ITPKB: variants seen among roughly 807,000 people sequenced by gnomAD.
The protein encoded by ITPKB is IP3 3-kinase B.
ITPKB carries 13 observed loss-of-function variants against 69.4 expected under a neutral mutation model. The ratio of observed to expected loss-of-function variants is 0.19; its 90% CI spans 0.12 to 0.30. The LOEUF is 0.30. ITPKB is among the 10% of genes least tolerant of loss of function. The pLI is 1.00. For synonymous variants in ITPKB, 584 were observed against 513.7 expected, an observed-to-expected ratio of 1.14 and a Z score of -1.85; for missense variants, 1,240 against 1,250.5, an observed-to-expected ratio of 0.99 and a Z score of 0.13.
chr1:226,726,981 A>T (rs1657438888), intron 2 of ITPKB, among the ~76,000 whole-genome samples: 1 of 152,160 alleles, frequency 6.6e-6, no homozygotes, highest in African/African-American at 2.4e-5. Flanking sequence ...TTGCTAAGAG[A>T]TTAAAATTGT....
At chr1:226,727,301 A>G (rs932350385) in intron 2 of ITPKB, among the ~76,000 whole-genome samples, 4 of 152,218 alleles carry the variant, frequency 2.6e-5, no homozygotes, top group African/African-American at 9.6e-5. Flanking sequence ...ATCAATTGCC[A>G]TAGAGAAGTT....
Position 226,724,298 on chromosome 1 carries a change from T to G in ITPKB, c.1932+11229A>C, listed in dbSNP as rs1171995757. On this transcript the variant is annotated intron_variant, in intron 2 of 7. Coordinates refer to ENST00000429204, the MANE Select transcript of ITPKB (RefSeq NM_002221.4). ...GAGCAAGCCTCCCCCAGCACACACT[T>G]CCTACAAACCTCAATGTCAAAGAGC... 3.3e-5 allele frequency among the ~76,000 whole-genome samples: 5 copies of G among 152,180 alleles called. No individual in the cohort carries two copies. The South Asian group carries it at 1.0e-3, about 32-fold the overall frequency.
At chr1:226,710,412 T>A (rs1461177356) in intron 2 of ITPKB, among the ~76,000 whole-genome samples, 1 of 152,210 alleles carries the variant, frequency 6.6e-6, no homozygotes, top group Non-Finnish European at 1.5e-5. Context: ...AAAAGTGCCA[T>A]AAAACGTACT....
chr1:226,669,092 G>A (rs1669560555), intron 2 of ITPKB: 1 of 151,936 alleles, frequency 6.6e-6, no homozygotes. Context: ...AAATAATTTT[G>A]TTACTATAGA....
chr1:226,701,452 A>G lies in ITPKB; in HGVS notation c.1932+34075T>C, dbSNP rs972520256. 7.3e-4 allele frequency among the ~76,000 whole-genome samples: 110 copies of G among 151,532 alleles called. 1 individual carries two copies. Among genetic ancestry groups the G allele is most frequent in the Non-Finnish European group, 4.9e-4 (33 of 67,816 alleles). ...ACCCCGTCTCTACTAAAAATACAAAAAATTAGCCGGGCGTGGTGGTGGGCG... is the reference window on the plus strand; with the variant it reads ...ACCCCGTCTCTACTAAAAATACAAAGAATTAGCCGGGCGTGGTGGTGGGCG... On this transcript the variant is annotated intron_variant, in intron 2 of 7. Transcript: ENST00000429204.
intron 3 of ITPKB, among the ~76,000 whole-genome samples, chr1:226,648,329 G>A (rs1669104085): frequency 6.6e-6 from 1 of 152,218 alleles, no homozygotes; most frequent in Non-Finnish European, 1.5e-5. Flanking sequence ...ACAAATGGCA[G>A]GTAAGCTATA....
In ITPKB at chr1:226,634,761, C is replaced by T; in HGVS notation, c.2751G>A (p.Gln917=). The change falls in exon 8 of 8, where the codon CAG becomes CAA. Residue 917 remains glutamine, a synonymous_variant. Transcript: ENST00000429204. The surrounding 1 kb of genome is among the most constrained non-coding windows in gnomAD (Gnocchi z 6.3). ...GQTLQHDVPW[Q]EGNREDGYLS... is the part of the protein sequence containing the mutation. Reference sequence around the variant, plus strand: ...GGTAGCCATCCTCCCGGTTCCCCTCCTGCCAGGGGACGTCATGCTGCAGGG... The same window carrying T: ...GGTAGCCATCCTCCCGGTTCCCCTCTTGCCAGGGGACGTCATGCTGCAGGG... 1 of 1,411,444 alleles carries T rather than the reference C, an allele frequency of 7.1e-7. No homozygotes were observed. Among genetic ancestry groups the T allele is most frequent in the Non-Finnish European group, 1.0e-6 (1 of 994,994 alleles). The allele number at this position is 1,411,444 out of a possible 1,614,324, so 87.4% of individuals were successfully genotyped here. A position where few individuals can be genotyped will look rare whatever the true frequency, so the allele number is the denominator to read the frequency against.
chr1:226,688,604 C>G (rs753418331), intron 2 of ITPKB, among the ~76,000 whole-genome samples: 3 of 152,374 alleles, frequency 2.0e-5, no homozygotes, highest in East Asian at 3.9e-4. Context: ...GCAGGCTACT[C>G]AGGGGCTGCC....
At chr1:226,654,289 C>T (rs1195243398) in intron 2 of ITPKB, among the ~76,000 whole-genome samples, 3 of 152,090 alleles carry the variant, frequency 2.0e-5, no homozygotes, top group Admixed American at 6.5e-5. Flanking sequence ...AAGTCAGAGG[C>T]GAAGGGAGCT....
chr1:226,722,284 G>A (rs1422318221), intron 2 of ITPKB, among the ~76,000 whole-genome samples: 2 of 152,180 alleles, frequency 1.3e-5, no homozygotes, highest in Non-Finnish European at 2.9e-5. Flanking sequence ...CAACTCCTAG[G>A]AGACTCTCCT....
At chr1:226,678,480 GT>G (rs1202505305) in intron 2 of ITPKB, among the ~76,000 whole-genome samples, 3 of 152,250 alleles carry the variant, frequency 2.0e-5, no homozygotes, top group Admixed American at 6.5e-5. Flanking sequence ...TAGTCTAGTG[GT>G]TAGGAACATG....
Position 226,736,259 on chromosome 1 carries a change from C to T in ITPKB, c.1200G>A (p.Val400=). Residue 400 remains valine (V), a synonymous_variant, in exon 2 of 8, where the codon GTG becomes GTA. Transcript: ENST00000429204. ...GKRPEETTVS[V]QSAESSDSLS... is the part of the protein sequence containing the mutation. ...GGGAATCAGAGGACTCTGCGCTTTG[C>T]ACGCTCACAGTCGTCTCCTCTGGCC... 1.3e-6 allele frequency: 2 copies of T among 1,569,896 alleles called. No individual in the cohort carries two copies. The highest frequency in any genetic ancestry group is 1.4e-5 in the African/African-American group (1 of 73,402).
At chr1:226,654,428 A>G (rs1336748572) in intron 2 of ITPKB, among the ~76,000 whole-genome samples, 1 of 152,082 alleles carries the variant, frequency 6.6e-6, no homozygotes, top group Non-Finnish European at 1.5e-5. Context: ...GGCATGCCAC[A>G]TTTTGTCTCC....
At position 226,634,479 on chromosome 1, in the gene ITPKB, G is replaced by GT. The variant is rs1212307705; in HGVS notation, c.*191dup. The GT allele has an allele frequency of 8.5e-6, 5 of 589,428 alleles. No homozygotes were observed. The highest frequency in any genetic ancestry group is 1.2e-5 in the Non-Finnish European group (4 of 329,598). The allele number at this position is 589,428 out of a possible 1,614,324, so 36.5% of individuals were successfully genotyped here. Reference sequence around the variant, plus strand: ...TAGGTGACCCTCTCTACAAAAAGCAGTGCAAACACCACCTCCAAGCCCTGA... The same window carrying GT: ...TAGGTGACCCTCTCTACAAAAAGCAGTTGCAAACACCACCTCCAAGCCCTGA... On this transcript the variant is annotated 3_prime_UTR_variant, in exon 8 of 8. Coordinates refer to ENST00000429204, the MANE Select transcript of ITPKB (RefSeq NM_002221.4). The surrounding 1 kb of genome is among the most constrained non-coding windows in gnomAD (Gnocchi z 6.3).
chr1:226,639,720 C>T (rs2102739470), intron 5 of ITPKB, 62 bp from the exon 6 acceptor site: 2 of 1,101,622 alleles, frequency 1.8e-6, no homozygotes, highest in Non-Finnish European at 2.8e-6. Context: ...AGAAACTGTT[C>T]TCACCCACCC....
rs1216868392 is a variant in ITPKB, at chr1:226,634,727, G to C, written c.2785C>G (p.Leu929Val). Reference protein sequence around the residue: ...GNREDGYLSGLNNLVDILTEM... With the variant: ...GNREDGYLSGVNNLVDILTEM... Reference sequence around the variant, plus strand: ...GTCAGGATGTCGACGAGGTTATTGAGCCCCGAGAGGTAGCCATCCTCCCGG... The same window carrying C: ...GTCAGGATGTCGACGAGGTTATTGACCCCCGAGAGGTAGCCATCCTCCCGG... Residue 929 changes from leucine (L) to valine (V), a missense_variant, in exon 8 of 8, where the codon CTC becomes GTC. Transcript: ENST00000429204. The surrounding 1 kb of genome is among the most constrained non-coding windows in gnomAD (Gnocchi z 6.3). The C allele has an allele frequency of 9.4e-7, 1 of 1,066,132 alleles. No homozygotes were observed. The highest frequency in any genetic ancestry group is 1.5e-6 in the Non-Finnish European group (1 of 679,700). 66.0% of individuals were successfully genotyped at this position (1,066,132 alleles called of 1,614,324 possible). A position where few individuals can be genotyped will look rare whatever the true frequency, so the allele number is the denominator to read the frequency against.
At chr1:226,719,371 C>T (rs1245953712) in intron 2 of ITPKB, among the ~76,000 whole-genome samples, 1 of 152,132 alleles carries the variant, frequency 6.6e-6, no homozygotes, top group Non-Finnish European at 1.5e-5. Context: ...TCCCTGCTGA[C>T]TTACCGTGCC....
intron 2 of ITPKB, among the ~76,000 whole-genome samples, chr1:226,677,935 G>A (rs1655941792): frequency 6.6e-6 from 1 of 152,262 alleles, no homozygotes; most frequent in East Asian, 1.9e-4. Flanking sequence ...TCACCTTCAT[G>A]CATCTTGTAT....
At position 226,642,143 on chromosome 1, in the gene ITPKB, C is replaced by T. The variant is rs774726662; in HGVS notation, c.2247-18G>A. On this transcript the variant is annotated intron_variant, in intron 4 of 7. Coordinates refer to ENST00000429204, the MANE Select transcript of ITPKB (RefSeq NM_002221.4). The surrounding 1 kb of genome is among the most constrained non-coding windows in gnomAD (Gnocchi z 6.4). ...GGTAGGTCCTACGTGGGAGGGAAGG[C>T]GACATGAGGGCCGAGGCCTGGGGCA... The T allele has an allele frequency of 1.3e-5, 21 of 1,604,766 alleles. No homozygotes were observed. Among genetic ancestry groups the T allele is most frequent in the Middle Eastern group, 1.7e-4 (1 of 6,040 alleles).
Sources: allele counts gnomAD v4.1 joint callset (sites outside exome capture counted in the v4.1 genomes callset), GRCh38; gene constraint gnomAD v4.1.1; non-coding constraint Gnocchi (gnomAD v3.1); transcripts MANE v1.5; gene names NCBI Gene and HGNC (gene_info 2026-07-23, HGNC 2026-07-21).